DST: variants seen among roughly 807,000 people sequenced by gnomAD.
The protein encoded by DST is bullous pemphigoid antigen.
In DST, 253 loss-of-function variants were observed where a neutral mutation model predicts 875.2. The ratio of observed to expected loss-of-function variants is 0.29; its 90% CI spans 0.26 to 0.32. The LOEUF (loss-of-function observed/expected upper bound fraction) is 0.32, where lower values mean the gene tolerates loss of function less well. Among genes scored for constraint, DST ranks in the 10% least tolerant of loss-of-function variants. The pLI, the probability that DST is intolerant of heterozygous loss-of-function variation, is 1.00. For missense variants in DST, 8,287 were observed against 9,111.6 expected (o/e 0.91, Z 3.68); for synonymous variants, 3,124 against 3,197.1 (o/e 0.98, Z 0.77).
At chr6:56,762,196 A>G (rs1022726356) in intron 4 of DST, among the ~76,000 whole-genome samples, 1 of 151,994 alleles carries the variant, frequency 6.6e-6, no homozygotes, top group African/African-American at 2.4e-5. Context: ...AATTTTTTGT[A>G]TTTTTAGTAG....
chr6:56,685,379 G>C (rs932950952), intron 9 of DST, among the ~76,000 whole-genome samples: 3 of 151,996 alleles, frequency 2.0e-5, no homozygotes, highest in African/African-American at 7.3e-5. Flanking sequence ...TCATACAAGC[G>C]GCCAACAAAC....
intron 4 of DST, among the ~76,000 whole-genome samples, chr6:56,760,325 T>C (rs3002011): frequency 0.24 from 35,961 of 152,114 alleles, 5,580 homozygotes; most frequent in African/African-American, 0.44. Flanking sequence ...TTTTAATGTA[T>C]CTTATTTAAA....
rs535749545 is a variant in DST, at chr6:56,763,133, A to T, written c.626-27844T>A. 5.3e-5 allele frequency among the ~76,000 whole-genome samples: 8 copies of T among 152,196 alleles called. 1 individual carries two copies. In the East Asian group the frequency reaches 1.6e-3, roughly 30 times the overall value. On this transcript the variant is annotated intron_variant, in intron 4 of 103. Coordinates refer to ENST00000680361, the MANE Select transcript of DST (RefSeq NM_001374736.1). Reference sequence around the variant, plus strand: ...CCAAAGTGCTGGGATTACAGGCGTGAGCCACAGCACCCAGCCGAGAACATT... The same window carrying T: ...CCAAAGTGCTGGGATTACAGGCGTGTGCCACAGCACCCAGCCGAGAACATT...
At position 56,593,803 on chromosome 6, in the gene DST, T is replaced by C. The variant is rs749956213; in HGVS notation, c.12586A>G (p.Ile4196Val). The C allele has an allele frequency of 6.2e-7, 1 of 1,613,964 alleles. No homozygotes were observed. The highest frequency in any genetic ancestry group is 8.5e-7 in the Non-Finnish European group (1 of 1,179,880). The change falls in exon 48 of 104, where the codon ATT (isoleucine) becomes GTT (valine). Residue 4196 changes from isoleucine to valine, a missense_variant. By Grantham distance (29) the Ile-to-Val change is conservative. Around this residue, in one of 10 missense-constraint regions of DST, gnomAD observed 1,513 missense variants for 1,677.8 expected, o/e 0.90. Coordinates refer to ENST00000680361, the MANE Select transcript of DST (RefSeq NM_001374736.1). ...GCTTCCAACACTCTGTTTCCAGAAA[T>C]TGTGATGTATCTCAAGTCACCTTTG... Reference protein sequence around the residue: ...SHKGDLRYITISGNRVLEAAK... With the variant: ...SHKGDLRYITVSGNRVLEAAK...
At chr6:56,568,340 G>T in intron 55 of DST, 129 bp downstream of exon 55, 1 of 990,200 alleles carries the variant, frequency 1.0e-6, no homozygotes, top group Non-Finnish European at 1.5e-6. Context: ...CAGATGCCAT[G>T]TTTCTTGTCA....
At chr6:56,631,119 T>C in intron 30 of DST, 92 bp downstream of exon 30, 1 of 508,704 alleles carries the variant, frequency 2.0e-6, no homozygotes, top group Non-Finnish European at 2.9e-6. Flanking sequence ...AAAGTTAATA[T>C]TTATATTAAT....
At chr6:56,700,615 A>G (rs1191836483) in intron 8 of DST, among the ~76,000 whole-genome samples, 1 of 152,194 alleles carries the variant, frequency 6.6e-6, no homozygotes, top group Non-Finnish European at 1.5e-5. Context: ...TCAGACTTAA[A>G]GCTTATCAAC....
intron 5 of DST, among the ~76,000 whole-genome samples, chr6:56,711,882 G>A (rs1190478716): frequency 6.6e-6 from 1 of 151,816 alleles, no homozygotes. Flanking sequence ...ACGAGGTCAG[G>A]AGATCGAGAC....
chr6:56,571,267 A>G (rs1423250457), intron 53 of DST, among the ~76,000 whole-genome samples: 4 of 152,226 alleles, frequency 2.6e-5, no homozygotes, highest in African/African-American at 9.6e-5. Context: ...TGATAACTAC[A>G]TTATTTTAAA....
intron 3 of DST, among the ~76,000 whole-genome samples, chr6:56,860,461 C>T (rs1251707630): frequency 1.3e-5 from 2 of 152,204 alleles, no homozygotes; most frequent in Non-Finnish European, 2.9e-5. Flanking sequence ...CAAGTGTTCA[C>T]TTCATTCTGC....
At chr6:56,483,248 T>C (rs1433522534) in intron 88 of DST, among the ~76,000 whole-genome samples, 1 of 152,200 alleles carries the variant, frequency 6.6e-6, no homozygotes, top group African/African-American at 2.4e-5. Context: ...TGTCCCAATT[T>C]CTCTCAAATC....
At chr6:56,749,093 G>A (rs59336532) in intron 4 of DST, among the ~76,000 whole-genome samples, 1,879 of 152,128 alleles carry the variant, frequency 0.012, 48 homozygotes, top group African/African-American at 0.042. Context: ...TGGGCCGGGC[G>A]CAGTGGCTCA....
intron 2 of DST, among the ~76,000 whole-genome samples, chr6:56,923,141 G>A (rs1805125792): frequency 6.6e-6 from 1 of 151,850 alleles, no homozygotes; most frequent in African/African-American, 2.4e-5. Context: ...GATTCAATAG[G>A]GAACTCATTA....
intron 54 of DST, among the ~76,000 whole-genome samples, chr6:56,569,548 TGAG>T (rs1421407040): frequency 6.6e-6 from 1 of 152,100 alleles, no homozygotes; most frequent in African/African-American, 2.4e-5. Context: ...CTTAATATTA[TGAG>T]AAGTGGTATA....
At chr6:56,560,180 T>C in intron 58 of DST, 114 bp downstream of exon 58, 3 of 1,102,072 alleles carry the variant, frequency 2.7e-6, no homozygotes, top group Non-Finnish European at 3.7e-6. Flanking sequence ...TCTGAAACAT[T>C]AAAGCAAATC....
At chr6:56,663,629 C>CGT (rs2099056456) in intron 10 of DST, among the ~76,000 whole-genome samples, 1 of 152,178 alleles carries the variant, frequency 6.6e-6, no homozygotes, top group Non-Finnish European at 1.5e-5. Flanking sequence ...ACTGAATCAC[C>CGT]GGCCTCCAGG....
intron 3 of DST, among the ~76,000 whole-genome samples, chr6:56,887,953 CTTT>C (rs34720092): frequency 3.6e-5 from 5 of 139,418 alleles, no homozygotes; most frequent in African/African-American, 5.3e-5. Context: ...TAAATGAAAT[CTTT>C]TTTTTTTTTT....
chr6:56,660,572 C>T (rs979359007), intron 10 of DST, among the ~76,000 whole-genome samples: 2 of 148,684 alleles, frequency 1.3e-5, no homozygotes, highest in Non-Finnish European at 3.0e-5. Flanking sequence ...CATGTCCTTA[C>T]TGTTCTTATT....
intron 2 of DST, among the ~76,000 whole-genome samples, chr6:56,929,437 A>G (rs1250678506): frequency 6.6e-6 from 1 of 152,184 alleles, no homozygotes; most frequent in East Asian, 1.9e-4. Flanking sequence ...GAATAAAACA[A>G]GATGCAAAAC....
Sources: allele counts gnomAD v4.1 joint callset (sites outside exome capture counted in the v4.1 genomes callset), GRCh38; gene constraint gnomAD v4.1.1; regional missense constraint gnomAD v4.1.1; transcripts MANE v1.5; gene names NCBI Gene and HGNC (gene_info 2026-07-23, HGNC 2026-07-21).